The following CDIP1 variants were observed in gnomAD, a reference collection of about 807,000 sequenced individuals.
CDIP1 encodes the protein cell death-inducing p53-target protein 1.
Under a neutral mutation model 17.7 loss-of-function variants are expected in CDIP1, and 9 were observed. The observed-to-expected ratio is 0.51, with a 90% CI of 0.31 to 0.89. CDIP1 has a LOEUF of 0.89. CDIP1 is among the 40% of genes least tolerant of loss of function. The pLI is 0.05. For synonymous variants in CDIP1, 117 were observed against 109.5 expected (o/e 1.07, Z -0.43); for missense variants, 263 against 277.9 (o/e 0.95, Z 0.38).
chr16:4,530,357 A>C (rs2059042584), intron 1 of CDIP1, among the ~76,000 whole-genome samples: 1 of 152,244 alleles, frequency 6.6e-6, no homozygotes, highest in African/African-American at 2.4e-5. Flanking sequence ...CATTATATGA[A>C]ACAGTATATA....
Position 4,513,344 on chromosome 16 carries a change from T to A in CDIP1, c.242-280A>T, listed in dbSNP as rs1218407846. Among the ~76,000 whole-genome samples the A allele has an allele frequency of 2.7e-5, 4 of 148,882 alleles. No homozygotes were observed. The highest frequency in any genetic ancestry group is 1.0e-4 in the African/African-American group (4 of 38,362). ...ATGGCCCGGTCCCTCTGCTCCTCTG[T>A]CTGTCTCCAGCATGCAAGGACAGGG... On this transcript the variant is annotated intron_variant, in intron 4 of 5. Transcript: ENST00000567695. The surrounding 1 kb of genome is among the most constrained non-coding windows in gnomAD (Gnocchi z 4.1).
rs1290704436 is a variant in CDIP1, at chr16:4,514,702, G to A, written c.-104-38C>T. On this transcript the variant is annotated intron_variant, in intron 1 of 5. Transcript: ENST00000567695. This position sits in a 1 kb window ranked among gnomAD's most constrained non-coding sequence, Gnocchi z 5.2. ...AAGGAAAGGCAGGGCCCTCAGCAGG[G>A]AGCAAGGGCTGCCAAGCCAGGGCTG... 6.5e-6 allele frequency: 1 copy of A among 153,044 alleles called. No homozygotes were observed. The highest frequency in any genetic ancestry group is 1.9e-4 in the East Asian group (1 of 5,192). The allele number at this position is 153,044 out of a possible 1,614,324, so 9.5% of individuals were successfully genotyped here.
At position 4,530,100 on chromosome 16, in the gene CDIP1, C is replaced by T. The variant is rs1408079146; in HGVS notation, c.-105+8602G>A. On this transcript the variant is annotated intron_variant, in intron 1 of 5. Coordinates refer to ENST00000567695, the MANE Select transcript of CDIP1 (RefSeq NM_013399.3). ...TGAGGACAGTGGCTCATCCCTGCGA[C>T]ATTTAGATCTCTCATGTTACAGGGC... Among the ~76,000 whole-genome samples the T allele has an allele frequency of 2.0e-5, 3 of 152,236 alleles. No homozygotes were observed. The South Asian group carries it at 6.2e-4, about 32-fold the overall frequency.
At position 4,514,484 on chromosome 16, in the gene CDIP1, G is replaced by A. The variant is rs2058868863; in HGVS notation, c.-15+91C>T. ...GCACCGAGCTCTCCCCTCCCCAAAC[G>A]TTTAGCGGGCACTAAGGCAGTCGGA... On this transcript the variant is annotated intron_variant, in intron 2 of 5. Coordinates refer to ENST00000567695, the MANE Select transcript of CDIP1 (RefSeq NM_013399.3). This position sits in a 1 kb window ranked among gnomAD's most constrained non-coding sequence, Gnocchi z 5.2. 1.1e-5 allele frequency: 3 copies of A among 270,276 alleles called. 1 individual carries two copies. The highest frequency in any genetic ancestry group is 2.0e-4 in the South Asian group (2 of 10,084). The allele number at this position is 270,276 out of a possible 1,614,324, so 16.7% of individuals were successfully genotyped here.
intron 1 of CDIP1, among the ~76,000 whole-genome samples, chr16:4,516,015 G>A (rs967427901): frequency 1.3e-5 from 2 of 152,054 alleles, no homozygotes; most frequent in African/African-American, 2.4e-5. Flanking sequence ...GCCAAAAAGT[G>A]GAAACAACCC....
chr16:4,515,835 C>T, intron 1 of CDIP1, among the ~76,000 whole-genome samples: 1 of 152,098 alleles, frequency 6.6e-6, no homozygotes, highest in Non-Finnish European at 1.5e-5. Context: ...TGAAGAACTG[C>T]CAGCCCCTGT....
chr16:4,524,927 A>G (rs180865715), intron 1 of CDIP1, among the ~76,000 whole-genome samples: 313 of 152,252 alleles, frequency 2.1e-3, no homozygotes, highest in Non-Finnish European at 3.0e-3. Flanking sequence ...ACATAACAAG[A>G]TCCCATCTCT....
chr16:4,531,261 C>T (rs1452553164), intron 1 of CDIP1, among the ~76,000 whole-genome samples: 6 of 151,954 alleles, frequency 3.9e-5, no homozygotes, highest in African/African-American at 1.5e-4. Flanking sequence ...ATCTCCCGAC[C>T]TCGTGATCCG....
At chr16:4,526,716 A>G (rs964595255) in intron 1 of CDIP1, among the ~76,000 whole-genome samples, 1 of 150,938 alleles carries the variant, frequency 6.6e-6, no homozygotes, top group Non-Finnish European at 1.5e-5. Context: ...AAAAAGATAA[A>G]TAAAAATAAA....
At chr16:4,527,309 G>C (rs962976390) in intron 1 of CDIP1, among the ~76,000 whole-genome samples, 3 of 152,054 alleles carry the variant, frequency 2.0e-5, no homozygotes, top group African/African-American at 7.2e-5. Flanking sequence ...GGGTGGTCTT[G>C]ATCTCATGAT....
At position 4,512,405 on chromosome 16, in the gene CDIP1, AG is replaced by A; in HGVS notation, c.*166del. ...CTTAAATCCCAACAGAATTTTTGCC[AG>A]AAGAGTCAGCGGCTCAGGTAGGGCA... On this transcript the variant is annotated 3_prime_UTR_variant, in exon 6 of 6. Transcript: ENST00000567695. This position sits in a 1 kb window ranked among gnomAD's most constrained non-coding sequence, Gnocchi z 4.6. The A allele has an allele frequency of 1.6e-6, 1 of 618,566 alleles. No individual in the cohort carries two copies. The highest frequency in any genetic ancestry group is 2.8e-5 in the East Asian group (1 of 36,298). The allele number at this position is 618,566 out of a possible 1,614,324, so 38.3% of individuals were successfully genotyped here. A position where few individuals can be genotyped will look rare whatever the true frequency, so the allele number is the denominator to read the frequency against.
rs751821983 is a variant in CDIP1, at chr16:4,513,902, T to C, written c.86-51A>G. The C allele has an allele frequency of 1.3e-5, 19 of 1,499,574 alleles. No homozygotes were observed. The highest frequency in any genetic ancestry group is 1.7e-5 in the Non-Finnish European group (19 of 1,117,714). The allele number at this position is 1,499,574 out of a possible 1,614,324, so 92.9% of individuals were successfully genotyped here. The stretch of plus-strand genomic sequence containing the variant: ...AGACTGAGCTGGAGCCTCTGCACGA[T>C]GAGCTCGACCAGAGGCCACTGTTTT... On this transcript the variant is annotated intron_variant, in intron 3 of 5. Coordinates refer to ENST00000567695, the MANE Select transcript of CDIP1 (RefSeq NM_013399.3). This position sits in a 1 kb window ranked among gnomAD's most constrained non-coding sequence, Gnocchi z 4.1.
At chr16:4,523,335 G>A (rs1015381585) in intron 1 of CDIP1, among the ~76,000 whole-genome samples, 1 of 152,158 alleles carries the variant, frequency 6.6e-6, no homozygotes, top group African/African-American at 2.4e-5. Flanking sequence ...CCAACACGGT[G>A]AAACCCCGTC....
intron 1 of CDIP1, among the ~76,000 whole-genome samples, chr16:4,521,004 T>C (rs1280716853): frequency 6.6e-6 from 1 of 152,166 alleles, no homozygotes; most frequent in African/African-American, 2.4e-5. Context: ...CCTCATTTCG[T>C]CACAAAGGAT....
At chr16:4,522,001 GC>G (rs1195094128) in intron 1 of CDIP1, among the ~76,000 whole-genome samples, 4 of 152,168 alleles carry the variant, frequency 2.6e-5, no homozygotes, top group Non-Finnish European at 5.9e-5. Context: ...AGGTATTGAC[GC>G]CTCTGCCATG....
At chr16:4,531,277 C>T (rs1596496269) in intron 1 of CDIP1, among the ~76,000 whole-genome samples, 2 of 151,988 alleles carry the variant, frequency 1.3e-5, no homozygotes, top group East Asian at 3.9e-4. Flanking sequence ...ATCCGCCTAC[C>T]TCGGCCTCCC....
intron 1 of CDIP1, among the ~76,000 whole-genome samples, chr16:4,528,335 TCG>T (rs2059021395): frequency 6.6e-6 from 1 of 152,222 alleles, no homozygotes; most frequent in Non-Finnish European, 1.5e-5. Context: ...AGCCTCTGCC[TCG>T]CTAAGAGCTG....
Position 4,513,647 on chromosome 16 carries a change from C to G in CDIP1, c.241+49G>C, listed in dbSNP as rs140498022. 4 of 1,558,082 alleles carry G rather than the reference C, an allele frequency of 2.6e-6. No homozygotes were observed. The highest frequency in any genetic ancestry group is 2.7e-5 in the African/African-American group (2 of 73,674). On this transcript the variant is annotated intron_variant, in intron 4 of 5. Coordinates refer to ENST00000567695, the MANE Select transcript of CDIP1 (RefSeq NM_013399.3). This position sits in a 1 kb window ranked among gnomAD's most constrained non-coding sequence, Gnocchi z 4.1. ...CTGAGGACAGCCAGCGCAGGCCAGA[C>G]AGCAGCCAGGAGTTCCCCATGCTCC...
intron 1 of CDIP1, among the ~76,000 whole-genome samples, chr16:4,525,846 C>A (rs376671601): frequency 6.6e-6 from 1 of 152,200 alleles, no homozygotes; most frequent in Non-Finnish European, 1.5e-5. Flanking sequence ...AAATCCTGAA[C>A]ATGGCCCATT....
Sources: gnomAD v4.1 joint callset for allele counts (sites outside exome capture counted in the v4.1 genomes callset) on GRCh38, gnomAD v4.1.1 for gene constraint, Gnocchi (gnomAD v3.1) non-coding constraint, MANE v1.5 for transcripts, NCBI Gene and HGNC (gene_info 2026-07-23, HGNC 2026-07-21) for gene names.